The following POT1 variants were observed in gnomAD, a reference collection of about 807,000 sequenced individuals.
The protein encoded by POT1 is protection of telomeres protein 1.
In POT1, 47 loss-of-function variants were observed where a neutral mutation model predicts 78.5. The ratio of observed to expected loss-of-function variants is 0.60; its 90% CI spans 0.47 to 0.76. POT1 has a LOEUF of 0.76. POT1 is among the 30% of genes least tolerant of loss of function. The pLI, the probability that POT1 is intolerant of heterozygous loss-of-function variation, is 0.00. For synonymous variants in POT1, 259 were observed against 260.7 expected, an observed-to-expected ratio of 0.99 and a Z score of 0.06; for missense variants, 646 against 749.9, an observed-to-expected ratio of 0.86 and a Z score of 1.62.
chr7:124,878,561 C>G (rs569578339), intron 6 of POT1, among the ~76,000 whole-genome samples: 6 of 152,014 alleles, frequency 3.9e-5, no homozygotes, highest in Admixed American at 3.9e-4. Context: ...AATGTATACA[C>G]GTATCTAAAC....
At position 124,874,672 on chromosome 7, in the gene POT1, T is replaced by C. The variant is rs1319538857; in HGVS notation, c.125-3631A>G. 2.0e-5 allele frequency among the ~76,000 whole-genome samples: 3 copies of C among 148,860 alleles called. No homozygotes were observed. The East Asian group carries it at 5.9e-4, about 29-fold the overall frequency. On this transcript the variant is annotated intron_variant, in intron 6 of 18. Coordinates refer to ENST00000357628, the MANE Select transcript of POT1 (RefSeq NM_015450.3). ...ATCGCTTGAGCCTGGGAAGTGGAGG[T>C]TGCAGTGAGCCGAGATCATGCCACT...
chr7:124,905,462 C>T (rs922480715), intron 3 of POT1, among the ~76,000 whole-genome samples: 1 of 151,956 alleles, frequency 6.6e-6, no homozygotes, highest in African/African-American at 2.4e-5. Context: ...CTTCCTTACA[C>T]CTTATACAAA....
rs1405688297 is a variant in POT1 at position 124,835,325 on chromosome 7, C to T, written c.1459G>A (p.Asp487Asn). 1.9e-6 allele frequency: 3 copies of T among 1,613,874 alleles called. No individual in the cohort carries two copies. Among genetic ancestry groups the T allele is most frequent in the Non-Finnish European group, 2.5e-6 (3 of 1,179,960 alleles). ...RSGHEDLELL[D>N]LSAPFLIQGT... Reference sequence around the variant, plus strand: ...TGTATAAGAAATGGTGCTGAAAGGTCCAAAAGTTCCAGGTCTTCGTGGCCA... The same window carrying T: ...TGTATAAGAAATGGTGCTGAAAGGTTCAAAAGTTCCAGGTCTTCGTGGCCA... The change falls in exon 15 of 19, where the codon GAC becomes AAC. Residue 487 changes from aspartate to asparagine, a missense_variant. Coordinates refer to ENST00000357628, the MANE Select transcript of POT1 (RefSeq NM_015450.3).
At chr7:124,843,517 G>A (rs535403071) in intron 12 of POT1, among the ~76,000 whole-genome samples, 14 of 152,130 alleles carry the variant, frequency 9.2e-5, no homozygotes, top group African/African-American at 3.4e-4. Context: ...GGAGGGAGTG[G>A]AGGAGGAGGG....
intron 5 of POT1, among the ~76,000 whole-genome samples, chr7:124,894,229 A>C (rs1213663330): frequency 6.6e-6 from 1 of 151,582 alleles, no homozygotes; most frequent in Non-Finnish European, 1.5e-5. Context: ...TAATCTAATC[A>C]AACTTCAATA....
chr7:124,839,580 C>A (rs1401154918), intron 14 of POT1, among the ~76,000 whole-genome samples: 1 of 152,108 alleles, frequency 6.6e-6, no homozygotes, highest in Non-Finnish European at 1.5e-5. Flanking sequence ...AGATCCTAGC[C>A]CTTGGTCCAG....
intron 9 of POT1, among the ~76,000 whole-genome samples, chr7:124,854,562 GA>G (rs1795396582): frequency 1.3e-5 from 2 of 151,804 alleles, no homozygotes; most frequent in African/African-American, 4.8e-5. Context: ...GAGGTAAGGA[GA>G]AAACCCACAC....
intron 3 of POT1, among the ~76,000 whole-genome samples, chr7:124,909,842 CAAAT>C (rs918654209): frequency 2.0e-5 from 3 of 151,560 alleles, no homozygotes; most frequent in African/African-American, 7.3e-5. Flanking sequence ...TACTGTTTCT[CAAAT>C]AAACATTTAA....
chr7:124,889,503 C>G (rs1796318267), intron 6 of POT1, among the ~76,000 whole-genome samples: 1 of 152,038 alleles, frequency 6.6e-6, no homozygotes, highest in African/African-American at 2.4e-5. Flanking sequence ...CAAACCAACA[C>G]ATTTTCAATG....
intron 2 of POT1, among the ~76,000 whole-genome samples, chr7:124,922,101 CTA>C (rs1220253024): frequency 6.6e-6 from 1 of 151,714 alleles, no homozygotes; most frequent in East Asian, 1.9e-4. Flanking sequence ...ACCGGCATCT[CTA>C]TAGTCCTAAA....
chr7:124,849,343 G>C (rs925679510), intron 11 of POT1, among the ~76,000 whole-genome samples: 1 of 152,120 alleles, frequency 6.6e-6, no homozygotes, highest in Non-Finnish European at 1.5e-5. Flanking sequence ...TAAAGAGTAA[G>C]AGCAGAAAAT....
chr7:124,913,022 T>C (rs1248802785), intron 3 of POT1, among the ~76,000 whole-genome samples: 1 of 152,134 alleles, frequency 6.6e-6, no homozygotes, highest in Non-Finnish European at 1.5e-5. Context: ...GAAGAGCAAG[T>C]CACATCTCAT....
In POT1 at chr7:124,823,725, T is replaced by G; in HGVS notation, c.*237A>C. The G allele has an allele frequency of 2.2e-6, 1 of 457,986 alleles. No individual in the cohort carries two copies. The highest frequency in any genetic ancestry group is 3.8e-6 in the Non-Finnish European group (1 of 260,512). The allele number at this position is 457,986 out of a possible 1,614,324, so 28.4% of individuals were successfully genotyped here. On this transcript the variant is annotated 3_prime_UTR_variant, in exon 19 of 19. Coordinates refer to ENST00000357628, the MANE Select transcript of POT1 (RefSeq NM_015450.3). ...CTTGATCAGACACTTATCTCAGCAGTACTTGTTTAAGCAGGTCTCTTTGTA... is the reference window on the plus strand; with the variant it reads ...CTTGATCAGACACTTATCTCAGCAGGACTTGTTTAAGCAGGTCTCTTTGTA...
chr7:124,834,894 C>T (rs1794853350), intron 15 of POT1, among the ~76,000 whole-genome samples: 3 of 152,164 alleles, frequency 2.0e-5, no homozygotes, highest in African/African-American at 7.2e-5. Flanking sequence ...CACATACGCA[C>T]CATGGAATAC....
intron 3 of POT1, among the ~76,000 whole-genome samples, chr7:124,911,672 T>C (rs183595814): frequency 6.6e-6 from 1 of 152,244 alleles, no homozygotes; most frequent in Non-Finnish European, 1.5e-5. Context: ...TTGTTCAAAG[T>C]AGAAGTGAGA....
chr7:124,922,522 G>C (rs1013429391), intron 2 of POT1, among the ~76,000 whole-genome samples: 13 of 151,896 alleles, frequency 8.6e-5, no homozygotes, highest in African/African-American at 2.9e-4. Flanking sequence ...TGTCAAGGGG[G>C]AAGAAAAAGC....
intron 6 of POT1, among the ~76,000 whole-genome samples, chr7:124,874,619 C>A (rs573758112): frequency 6.6e-6 from 1 of 151,810 alleles, no homozygotes; most frequent in African/African-American, 2.4e-5. Flanking sequence ...CCTGTAATCC[C>A]AGCTACTTGG....
intron 3 of POT1, among the ~76,000 whole-genome samples, chr7:124,901,442 T>C (rs1214477615): frequency 6.6e-6 from 1 of 152,132 alleles, no homozygotes; most frequent in African/African-American, 2.4e-5. Flanking sequence ...GGGTCCTGAC[T>C]GTAAGAAGGA....
At chr7:124,875,871 G>C (rs1436663524) in intron 6 of POT1, among the ~76,000 whole-genome samples, 1 of 152,174 alleles carries the variant, frequency 6.6e-6, no homozygotes, top group East Asian at 1.9e-4. Flanking sequence ...AAAATGACTT[G>C]TGATGGCATT....
Sources: allele counts gnomAD v4.1 joint callset (sites outside exome capture counted in the v4.1 genomes callset), GRCh38; gene constraint gnomAD v4.1.1; transcripts MANE v1.5; gene names NCBI Gene and HGNC (gene_info 2026-07-23, HGNC 2026-07-21).